The following ADAMTS9 variants were observed in gnomAD, a reference collection of about 807,000 sequenced individuals.
ADAMTS9 encodes ADAM metallopeptidase with thrombospondin type 1 motif 9, also known as A disintegrin and metalloproteinase with thrombospondin motifs 9.
In ADAMTS9, 107 loss-of-function variants were observed where a neutral mutation model predicts 257.1. The observed-to-expected ratio is 0.42, with a 90% CI of 0.36 to 0.49. The LOEUF is 0.49. Among genes scored for constraint, ADAMTS9 ranks in the 20% least tolerant of loss-of-function variants. The pLI is 0.03. For synonymous variants in ADAMTS9, 982 were observed against 880.9 expected (o/e 1.11, Z -2.03); for missense variants, 2,353 against 2,469.1 (o/e 0.95, Z 1.00).
At chr3:64,638,015 A>G (rs1173307423) in intron 12 of ADAMTS9, among the ~76,000 whole-genome samples, 1 of 152,230 alleles carries the variant, frequency 6.6e-6, no homozygotes, top group Non-Finnish European at 1.5e-5. Context: ...TTTGGATGAA[A>G]TAGACATATG....
chr3:64,687,577 C>A lies in ADAMTS9; in HGVS notation c.81G>T (p.Ala27=). ...LAEMGSPDAA[A]AVRKDRLHPR... is the part of the protein sequence containing the mutation. ...GGTGCAGCCTGTCCTTGCGCACGGC[C>A]GCCGCGGCGTCTGGGCTCCCCATCT... Residue 27 remains alanine, a synonymous_variant, in exon 1 of 40, where the codon GCG becomes GCT. Coordinates refer to ENST00000498707, the MANE Select transcript of ADAMTS9 (RefSeq NM_182920.2). The surrounding 1 kb of genome is among the most constrained non-coding windows in gnomAD (Gnocchi z 4.4). 2 of 1,571,124 alleles carry A rather than the reference C, an allele frequency of 1.3e-6. No individual in the cohort carries two copies. Among genetic ancestry groups the A allele is most frequent in the Non-Finnish European group, 1.7e-6 (2 of 1,159,374 alleles).
intron 8 of ADAMTS9, among the ~76,000 whole-genome samples, chr3:64,653,795 C>T (rs780627553): frequency 5.9e-5 from 9 of 152,204 alleles, no homozygotes; most frequent in African/African-American, 9.6e-5. Flanking sequence ...CATTTCATAA[C>T]GGCCACTTAG....
At chr3:64,635,601 G>T (rs1490510015) in intron 12 of ADAMTS9, among the ~76,000 whole-genome samples, 1 of 152,276 alleles carries the variant, frequency 6.6e-6, no homozygotes, top group Middle Eastern at 3.4e-3. Flanking sequence ...GGGAAGATGA[G>T]GTGCTTTTAT....
At chr3:64,640,275 A>T (rs764327426) in intron 12 of ADAMTS9, among the ~76,000 whole-genome samples, 5 of 152,226 alleles carry the variant, frequency 3.3e-5, no homozygotes, top group African/African-American at 1.2e-4. Context: ...AGTACAGAGT[A>T]CTGAGACCAG....
At chr3:64,572,136 C>G (rs1559770434) in intron 28 of ADAMTS9, among the ~76,000 whole-genome samples, 1 of 152,150 alleles carries the variant, frequency 6.6e-6, no homozygotes, top group African/African-American at 2.4e-5. Flanking sequence ...TGATCTTCCT[C>G]CCAACTTTGA....
intron 29 of ADAMTS9, among the ~76,000 whole-genome samples, chr3:64,567,369 G>C (rs1386857176): frequency 1.3e-5 from 2 of 152,150 alleles, no homozygotes; most frequent in Non-Finnish European, 2.9e-5. Flanking sequence ...GGAAGCACCG[G>C]AAATACAGTA....
At chr3:64,531,285 T>C (rs1170506669) in intron 38 of ADAMTS9, among the ~76,000 whole-genome samples, 2 of 152,208 alleles carry the variant, frequency 1.3e-5, no homozygotes, top group African/African-American at 4.8e-5. Flanking sequence ...GTTGAGCTGC[T>C]TTTTTATAGT....
intron 11 of ADAMTS9, among the ~76,000 whole-genome samples, chr3:64,642,842 A>C (rs560644718): frequency 6.6e-6 from 1 of 152,212 alleles, no homozygotes; most frequent in East Asian, 1.9e-4. Flanking sequence ...ATCCCCAGGG[A>C]GGACACAGCC....
At chr3:64,630,506 G>A (rs1018891993) in intron 16 of ADAMTS9, among the ~76,000 whole-genome samples, 2 of 152,210 alleles carry the variant, frequency 1.3e-5, no homozygotes, top group African/African-American at 2.4e-5. Context: ...GAGCCTGGGA[G>A]GTTGAAGATG....
At chr3:64,602,825 T>C (rs187649343) in intron 25 of ADAMTS9, among the ~76,000 whole-genome samples, 1 of 152,360 alleles carries the variant, frequency 6.6e-6, no homozygotes, top group East Asian at 1.9e-4. Context: ...CCTCTTGCTA[T>C]ATTACATACT....
intron 22 of ADAMTS9, among the ~76,000 whole-genome samples, chr3:64,608,891 T>C (rs1355147412): frequency 3.3e-5 from 5 of 152,018 alleles, no homozygotes; most frequent in Non-Finnish European, 7.4e-5. Flanking sequence ...TACTAACAAA[T>C]TGAATCCAAT....
chr3:64,537,914 T>C (rs889020876), intron 37 of ADAMTS9, among the ~76,000 whole-genome samples: 2 of 152,222 alleles, frequency 1.3e-5, no homozygotes, highest in African/African-American at 4.8e-5. Context: ...GAGCTGATTA[T>C]GACAAAATGT....
intron 3 of ADAMTS9, among the ~76,000 whole-genome samples, chr3:64,662,277 G>T (rs1701242172): frequency 6.6e-6 from 1 of 152,078 alleles, no homozygotes; most frequent in Admixed American, 6.6e-5. Context: ...AATATGTTCT[G>T]TATTACTTTT....
At chr3:64,593,961 A>ATGTGTGTGTG (rs200112357) in intron 28 of ADAMTS9, among the ~76,000 whole-genome samples, 270 of 108,300 alleles carry the variant, frequency 2.5e-3, no homozygotes, top group Middle Eastern at 4.6e-3. Context: ...TGTGTGTATG[A>ATGTGTGTGTG]TGTGTGTGTG....
At chr3:64,614,951 C>G (rs1478504262) in intron 21 of ADAMTS9, 1 of 162,518 alleles carries the variant, frequency 6.2e-6, no homozygotes. Flanking sequence ...AAGTAGGAAA[C>G]TTCATGTTGA....
rs766136631 is a variant in ADAMTS9, at chr3:64,658,710, A to T, written c.761T>A (p.Val254Glu). Residue 254 changes from valine to glutamate, a missense_variant, in exon 4 of 40, where the codon GTA (valine) becomes GAA (glutamate). Transcript: ENST00000498707. Reference sequence around the variant, plus strand: ...TGCTAAGCCGCTGTTTAATGCTGCTACGTCACCAGCCAGGTTAATCCTTTC... The same window carrying T: ...TGCTAAGCCGCTGTTTAATGCTGCTTCGTCACCAGCCAGGTTAATCCTTTC... The part of the protein sequence containing the change: ...WGERINLAGD[V>E]AALNSGLATE... 9.3e-6 allele frequency: 15 copies of T among 1,614,164 alleles called. No individual in the cohort carries two copies. The highest frequency in any genetic ancestry group is 1.3e-5 in the Non-Finnish European group (15 of 1,180,026).
intron 24 of ADAMTS9, 64 bp from the exon 25 acceptor site, chr3:64,604,153 C>A: frequency 6.2e-7 from 1 of 1,601,822 alleles, no homozygotes; most frequent in East Asian, 2.2e-5. Flanking sequence ...GGACAGTAGC[C>A]CACTTTCTAT....
intron 28 of ADAMTS9, among the ~76,000 whole-genome samples, chr3:64,569,881 T>C (rs2083637332): frequency 6.6e-6 from 1 of 152,204 alleles, no homozygotes. Flanking sequence ...AAGGAAGCCA[T>C]CCAACTTGAA....
intron 30 of ADAMTS9, among the ~76,000 whole-genome samples, chr3:64,553,408 T>C (rs2083293755): frequency 6.6e-6 from 1 of 152,234 alleles, no homozygotes; most frequent in Admixed American, 6.5e-5. Context: ...CTGAATAAGA[T>C]TCTGTTGTAC....
Sources: allele counts gnomAD v4.1 joint callset (sites outside exome capture counted in the v4.1 genomes callset), GRCh38; gene constraint gnomAD v4.1.1; non-coding constraint Gnocchi (gnomAD v3.1); transcripts MANE v1.5; gene names NCBI Gene and HGNC (gene_info 2026-07-23, HGNC 2026-07-21).